The following KREMEN1 variants were observed in gnomAD, a reference collection of about 807,000 sequenced individuals.
KREMEN1 encodes kremen protein 1.
A neutral mutation model predicts 46.5 loss-of-function variants in KREMEN1; 30 were observed. The ratio of observed to expected loss-of-function variants is 0.65; its 90% confidence interval spans 0.48 to 0.88. The LOEUF (loss-of-function observed/expected upper bound fraction) is 0.88. Among genes scored for constraint, KREMEN1 ranks in the 40% least tolerant of loss-of-function variants. The pLI, the probability that KREMEN1 is intolerant of heterozygous loss-of-function variation, is 0.00. For synonymous variants in KREMEN1, 214 were observed against 230.6 expected (o/e 0.93, Z 0.65); for missense variants, 533 against 596.9 (o/e 0.89, Z 1.11).
chr22:29,094,626 C>CTTT (rs134659), intron 2 of KREMEN1, among the ~76,000 whole-genome samples: 2,441 of 112,920 alleles, frequency 0.022, 96 homozygotes, highest in African/African-American at 0.028. Context: ...ATTTACCACT[C>CTTT]TTTTTTTTTT....
At position 29,073,088 on chromosome 22, in the gene KREMEN1, C is replaced by A. The variant is rs1271784113; in HGVS notation, c.-43C>A. On this transcript the variant is annotated 5_prime_UTR_variant, in exon 1 of 9. Transcript: ENST00000400335. This position sits in a 1 kb window ranked among gnomAD's most constrained non-coding sequence, Gnocchi z 4.4. ...CCGCCCCCGGCTCCCCGCGCTGCCC[C>A]CTTTACCCCGGGCCGCGCCCCGGGG... 131 of 641,872 alleles carry A rather than the reference C, an allele frequency of 2.0e-4. No individual in the cohort carries two copies. Among genetic ancestry groups the A allele is most frequent in the East Asian group, 2.6e-4 (2 of 7,794 alleles). The allele number at this position is 641,872 out of a possible 1,614,324, so 39.8% of individuals were successfully genotyped here. A position where few individuals can be genotyped will look rare whatever the true frequency, so the allele number is the denominator to read the frequency against.
chr22:29,126,989 T>C (rs1353245362), intron 5 of KREMEN1, among the ~76,000 whole-genome samples: 1 of 152,226 alleles, frequency 6.6e-6, no homozygotes, highest in Non-Finnish European at 1.5e-5. Flanking sequence ...ATTTAACCTT[T>C]TATTCTAGAG....
chr22:29,081,846 C>G (rs73882458), intron 1 of KREMEN1, among the ~76,000 whole-genome samples: 2,589 of 152,258 alleles, frequency 0.017, 62 homozygotes, highest in African/African-American at 0.049. Context: ...TTTGTTGCTT[C>G]GAGTTTTACT....
chr22:29,099,705 C>G (rs1469702566), intron 3 of KREMEN1, among the ~76,000 whole-genome samples: 1 of 152,036 alleles, frequency 6.6e-6, no homozygotes, highest in Non-Finnish European at 1.5e-5. Flanking sequence ...CGTGCACCAC[C>G]ACGCCCAGCT....
intron 5 of KREMEN1, 106 bp downstream of exon 5, chr22:29,125,522 G>C: frequency 8.8e-7 from 1 of 1,130,482 alleles, no homozygotes; most frequent in Non-Finnish European, 1.2e-6. Flanking sequence ...TCATTCACTT[G>C]GCAATAGACA....
In KREMEN1 at chr22:29,094,276, G is replaced by A. The variant is rs776500404; in HGVS notation, c.116G>A (p.Gly39Asp). The A allele has an allele frequency of 6.8e-6, 11 of 1,610,408 alleles. No individual in the cohort carries two copies. The highest frequency in any genetic ancestry group is 8.5e-6 in the Non-Finnish European group (10 of 1,178,962). ...CTTCTAGAGTGTTTCACAGCCAATG[G>A]TGCGGATTATAGGGGAACACAGAAC... Reference protein sequence around the residue: ...GPGPECFTANGADYRGTQNWT... With the variant: ...GPGPECFTANDADYRGTQNWT... Residue 39 changes from glycine to aspartate, a missense_variant, in exon 2 of 9, where the codon GGT becomes GAT. Transcript: ENST00000400335.
intron 1 of KREMEN1, among the ~76,000 whole-genome samples, chr22:29,085,425 T>A (rs1289687061): frequency 6.6e-6 from 1 of 152,202 alleles, no homozygotes; most frequent in East Asian, 1.9e-4. Flanking sequence ...TGCTAAGGAT[T>A]CCTTTCAAAA....
At chr22:29,099,128 T>G in intron 3 of KREMEN1, 175 bp downstream of exon 3, 1 of 578,474 alleles carries the variant, frequency 1.7e-6, no homozygotes. Flanking sequence ...TTTTCAGGAA[T>G]AGGAATGCTG....
chr22:29,127,515 G>C (rs2038464230), intron 5 of KREMEN1, among the ~76,000 whole-genome samples: 1 of 152,108 alleles, frequency 6.6e-6, no homozygotes, highest in Admixed American at 6.6e-5. Flanking sequence ...ACAAAAATTA[G>C]CTGGTTGTGG....
At chr22:29,152,743 C>CCA (rs1419597980) in intron 9 of KREMEN1, among the ~76,000 whole-genome samples, 77 of 152,206 alleles carry the variant, frequency 5.1e-4, no homozygotes, top group Non-Finnish European at 9.7e-4. Flanking sequence ...CTCACTCTGT[C>CCA]GCCCAGGCTG....
intron 3 of KREMEN1, among the ~76,000 whole-genome samples, chr22:29,120,055 C>T (rs1265588745): frequency 9.0e-6 from 1 of 111,356 alleles, no homozygotes; most frequent in East Asian, 3.0e-4. Context: ...ATGATGGAAA[C>T]AGGGAGGAGG....
At chr22:29,127,720 A>T (rs921073702) in intron 5 of KREMEN1, among the ~76,000 whole-genome samples, 2 of 152,198 alleles carry the variant, frequency 1.3e-5, no homozygotes, top group African/African-American at 2.4e-5. Context: ...ATGACCCAGC[A>T]ATTCCATTCT....
At chr22:29,149,915 G>C (rs967639240), downstream of KREMEN1, among the ~76,000 whole-genome samples, 3 of 152,190 alleles carry the variant, frequency 2.0e-5, no homozygotes, top group African/African-American at 7.2e-5. Flanking sequence ...GGCTGGACAA[G>C]GGTGACCTTG....
intron 9 of KREMEN1, among the ~76,000 whole-genome samples, chr22:29,158,348 C>T (rs371679672): frequency 4.6e-5 from 7 of 152,182 alleles, no homozygotes; most frequent in Admixed American, 1.3e-4. Flanking sequence ...GGGGAGGCCA[C>T]GCCAGCCAAG....
At chr22:29,115,951 G>A (rs1459215027) in intron 3 of KREMEN1, among the ~76,000 whole-genome samples, 1 of 152,146 alleles carries the variant, frequency 6.6e-6, no homozygotes, top group Non-Finnish European at 1.5e-5. Context: ...GAGGGGAAGG[G>A]GGAGCAGCAC....
In KREMEN1 at chr22:29,084,736, G is replaced by C. The variant is rs140535619; in HGVS notation, c.98-9522G>C. On this transcript the variant is annotated intron_variant, in intron 1 of 8. Transcript: ENST00000400335. The stretch of plus-strand genomic sequence containing the variant: ...AAACATCTGGTCTTATGCTTACCCT[G>C]TAAGTTCAGTTTTTCTTATAATGGT... Among the ~76,000 whole-genome samples the C allele has an allele frequency of 3.6e-3, 541 of 152,294 alleles. 3 individuals are homozygous for C. Among genetic ancestry groups the C allele is most frequent in the Non-Finnish European group, 5.5e-3 (377 of 68,028 alleles).
Position 29,140,502 on chromosome 22 carries a change from G to A in KREMEN1, c.1208+136G>A, listed in dbSNP as rs1283308480. ...AGCCCTCAGTCCTAGGGAACGGAAG[G>A]CAGCAGACATTCCCCCTTCTTTGTA... On this transcript the variant is annotated intron_variant, in intron 8 of 8. Transcript: ENST00000400335. The A allele has an allele frequency of 6.2e-6, 4 of 649,540 alleles. No homozygotes were observed. In the African/African-American group the frequency reaches 7.3e-5, roughly 12 times the overall value. The allele number at this position is 649,540 out of a possible 1,614,324, so 40.2% of individuals were successfully genotyped here.
intron 1 of KREMEN1, among the ~76,000 whole-genome samples, chr22:29,086,628 G>T (rs2037732578): frequency 6.6e-6 from 1 of 152,178 alleles, no homozygotes; most frequent in South Asian, 2.1e-4. Context: ...AGTGTCTGAG[G>T]GCAAAGGGTA....
chr22:29,156,267 C>G (rs963749149), intron 9 of KREMEN1, among the ~76,000 whole-genome samples: 3 of 152,264 alleles, frequency 2.0e-5, no homozygotes, highest in Admixed American at 6.5e-5. Flanking sequence ...CAGCAGAATG[C>G]TCAGCTCCCA....
Sources: allele counts gnomAD v4.1 joint callset (sites outside exome capture counted in the v4.1 genomes callset), GRCh38; gene constraint gnomAD v4.1.1; non-coding constraint Gnocchi (gnomAD v3.1); transcripts MANE v1.5; gene names NCBI Gene and HGNC (gene_info 2026-07-23, HGNC 2026-07-21).